The following MIOS variants were observed in gnomAD, a reference collection of about 807,000 sequenced individuals.
MIOS encodes the protein meiosis regulator for oocyte development.
A neutral mutation model predicts 96.9 loss-of-function variants in MIOS; 52 were observed. That is an observed-to-expected ratio of 0.54 (90% CI 0.43 to 0.68). The LOEUF (loss-of-function observed/expected upper bound fraction) is 0.68. MIOS is among the 30% of genes least tolerant of loss of function. The pLI is 0.00. For missense variants in MIOS, 1,005 were observed against 1,052.8 expected (o/e 0.95, Z 0.63); for synonymous variants, 397 against 359.5 (o/e 1.10, Z -1.18).
At chr7:7,597,628 C>T (rs896918432) in intron 11 of MIOS, among the ~76,000 whole-genome samples, 1 of 150,738 alleles carries the variant, frequency 6.6e-6, no homozygotes, top group Non-Finnish European at 1.5e-5. Context: ...TTACTCTGGT[C>T]CTAATAAACA....
chr7:7,581,536 A>C (rs1175902872), intron 5 of MIOS, among the ~76,000 whole-genome samples: 1 of 152,156 alleles, frequency 6.6e-6, no homozygotes, highest in Non-Finnish European at 1.5e-5. Context: ...CAAAAAGGCT[A>C]ACCAGAAGGT....
intron 11 of MIOS, among the ~76,000 whole-genome samples, chr7:7,600,632 C>T (rs988009731): frequency 2.6e-5 from 4 of 152,060 alleles, no homozygotes; most frequent in Admixed American, 6.5e-5. Context: ...ACTTTAACAC[C>T]CCACTGTCAA....
At chr7:7,588,641 T>A (rs1783959451) in intron 8 of MIOS, 78 bp downstream of exon 8, 3 of 878,288 alleles carry the variant, frequency 3.4e-6, no homozygotes. Flanking sequence ...GTCTTTATAA[T>A]TACATATGTA....
At chr7:7,598,614 T>C (rs1247177880) in intron 11 of MIOS, among the ~76,000 whole-genome samples, 2 of 152,158 alleles carry the variant, frequency 1.3e-5, no homozygotes, top group East Asian at 1.9e-4. Flanking sequence ...ATAAGACATA[T>C]ATGTGTATGA....
At chr7:7,570,040 C>A (rs1452609661) in intron 3 of MIOS, among the ~76,000 whole-genome samples, 1 of 152,046 alleles carries the variant, frequency 6.6e-6, no homozygotes, top group South Asian at 2.1e-4. Context: ...GAAGGATAGC[C>A]TGGTCAAGGT....
chr7:7,607,079 CTG>C lies in MIOS; in HGVS notation c.2617_2618del (p.Val873ProfsTer35), dbSNP rs1784553788. 1 of 1,611,288 alleles carries C rather than the reference CTG, an allele frequency of 6.2e-7. No homozygotes were observed. Among genetic ancestry groups the C allele is most frequent in the Non-Finnish European group, 8.5e-7 (1 of 1,178,852 alleles). ...ACAGGGAATCTGGTACCTGCAGAGA[CTG>C]TCCAGCCATAAAATGTTACCACCTT... On this transcript the variant is annotated frameshift_variant, in exon 13 of 13. Coordinates refer to ENST00000340080, the MANE Select transcript of MIOS (RefSeq NM_019005.4). LOFTEE classifies it high-confidence loss of function.
rs1314784166 is a variant in MIOS, at chr7:7,588,662, A to G, written c.1884+99A>G. On this transcript the variant is annotated intron_variant, in intron 8 of 12. Coordinates refer to ENST00000340080, the MANE Select transcript of MIOS (RefSeq NM_019005.4). ...ATAATTACATATGTATGAGATTGAT[A>G]AGCTAATTCTTCTAAAAAGTATGGT... 4.9e-6 allele frequency: 3 copies of G among 618,332 alleles called. No homozygotes were observed. The African/African-American group carries it at 5.7e-5, about 12-fold the overall frequency. 38.3% of individuals were successfully genotyped at this position (618,332 alleles called of 1,614,324 possible).
intron 3 of MIOS, among the ~76,000 whole-genome samples, chr7:7,569,583 T>C (rs1447100625): frequency 6.6e-6 from 1 of 152,246 alleles, no homozygotes; most frequent in African/African-American, 2.4e-5. Flanking sequence ...GTTTATTAAC[T>C]TCCTACTAAG....
intron 6 of MIOS, 42 bp downstream of exon 6, chr7:7,583,414 G>A: frequency 6.7e-7 from 1 of 1,489,954 alleles, no homozygotes; most frequent in South Asian, 1.4e-5. Context: ...AATCTAAGAT[G>A]TTAGCAGTTC....
At chr7:7,592,586 G>T (rs1487370945) in intron 9 of MIOS, among the ~76,000 whole-genome samples, 2 of 151,960 alleles carry the variant, frequency 1.3e-5, no homozygotes, top group Non-Finnish European at 2.9e-5. Context: ...GGAGCTCTGA[G>T]GTTATTTTCC....
In MIOS at chr7:7,572,047, A is replaced by C. The variant is rs920983335; in HGVS notation, c.-40-389A>C. Among the ~76,000 whole-genome samples, 1 of 152,220 alleles carries C rather than the reference A, an allele frequency of 6.6e-6. No individual in the cohort carries two copies. Among genetic ancestry groups the C allele is most frequent in the African/African-American group, 2.4e-5 (1 of 41,458 alleles). On this transcript the variant is annotated intron_variant, in intron 3 of 12. Transcript: ENST00000340080. This position sits in a 1 kb window ranked among gnomAD's most constrained non-coding sequence, Gnocchi z 4.8. Reference sequence around the variant, plus strand: ...GTTTTATTGGGCAGTGCTGCTTTAAACTATTGCTTAGGAATATGATTCATA... The same window carrying C: ...GTTTTATTGGGCAGTGCTGCTTTAACCTATTGCTTAGGAATATGATTCATA...
intron 3 of MIOS, among the ~76,000 whole-genome samples, chr7:7,569,301 T>C (rs1783264181): frequency 1.3e-5 from 2 of 152,232 alleles, no homozygotes; most frequent in South Asian, 4.1e-4. Context: ...ATTTTATCAC[T>C]ACAGTGCAGG....
chr7:7,602,563 G>A (rs1250954053), intron 11 of MIOS, among the ~76,000 whole-genome samples: 11 of 152,112 alleles, frequency 7.2e-5, no homozygotes, highest in Non-Finnish European at 1.6e-4. Flanking sequence ...TACTGCTCAA[G>A]GAAATAAAAG....
At position 7,607,116 on chromosome 7, in the gene MIOS, C is replaced by G. The variant is rs752373481; in HGVS notation, c.*24C>G. On this transcript the variant is annotated 3_prime_UTR_variant, in exon 13 of 13. Transcript: ENST00000340080. ...AAAATGTTACCACCTTAAGAGAACC[C>G]TTCAAGTGTGGAGCTTTCTAGTAGG... The G allele has an allele frequency of 1.9e-5, 30 of 1,576,992 alleles. No homozygotes were observed. Among genetic ancestry groups the G allele is most frequent in the Non-Finnish European group, 2.4e-5 (28 of 1,156,264 alleles).
intron 5 of MIOS, among the ~76,000 whole-genome samples, chr7:7,576,934 T>G (rs533507767): frequency 6.6e-6 from 1 of 152,282 alleles, no homozygotes; most frequent in South Asian, 2.1e-4. Flanking sequence ...AACTAGTTAA[T>G]TTTAAGTATG....
At chr7:7,576,086 T>C (rs1783522879) in intron 5 of MIOS, among the ~76,000 whole-genome samples, 2 of 152,182 alleles carry the variant, frequency 1.3e-5, no homozygotes, top group South Asian at 4.1e-4. Flanking sequence ...TACACAAGTT[T>C]ATTAGAGCAT....
chr7:7,573,523 T>C lies in MIOS; in HGVS notation c.1048T>C (p.Phe350Leu). Residue 350 changes from phenylalanine (F) to leucine (L), a missense_variant, in exon 4 of 13, where the codon TTC (phenylalanine) becomes CTC (leucine). Phe to Leu is a conservative substitution (Grantham distance 22, BLOSUM62 0). This residue lies in a region of MIOS where 865 missense variants were observed against 887.9 expected (regional missense o/e 0.97). Transcript: ENST00000340080. The surrounding 1 kb of genome is among the most constrained non-coding windows in gnomAD (Gnocchi z 5.0). ...AACTCCCAACCGAACAATGTCAGAC[T>C]TCACTGTTTTTGAAAGGATATCTCT... is the stretch of plus-strand genomic sequence containing the variant. The part of the protein sequence containing the change: ...VVTPNRTMSD[F>L]TVFERISLAW... 1 of 1,614,148 alleles carries C rather than the reference T, an allele frequency of 6.2e-7. No individual in the cohort carries two copies. Among genetic ancestry groups the C allele is most frequent in the South Asian group, 1.1e-5 (1 of 91,088 alleles).
intron 11 of MIOS, among the ~76,000 whole-genome samples, chr7:7,601,018 A>G (rs540230842): frequency 3.3e-5 from 5 of 152,302 alleles, no homozygotes; most frequent in South Asian, 4.1e-4. Context: ...TTTGAAACCA[A>G]CGAGAACAAA....
At chr7:7,591,518 G>A (rs1466540110) in intron 9 of MIOS, among the ~76,000 whole-genome samples, 1 of 151,938 alleles carries the variant, frequency 6.6e-6, no homozygotes, top group African/African-American at 2.4e-5. Flanking sequence ...GACCTCAAGT[G>A]ATCTGCCCGC....
Sources: allele counts gnomAD v4.1 joint callset (sites outside exome capture counted in the v4.1 genomes callset), GRCh38; gene constraint gnomAD v4.1.1; regional missense constraint gnomAD v4.1.1; non-coding constraint Gnocchi (gnomAD v3.1); transcripts MANE v1.5; gene names NCBI Gene and HGNC (gene_info 2026-07-23, HGNC 2026-07-21).